Variants in ADAMTS16 observed in about 807,000 individuals in gnomAD.
ADAMTS16 encodes ADAM metallopeptidase with thrombospondin type 1 motif 16, also known as A disintegrin and metalloproteinase with thrombospondin motifs 16.
A neutral mutation model predicts 145.8 loss-of-function variants in ADAMTS16; 94 were observed. That is an observed-to-expected ratio of 0.64 (90% CI 0.55 to 0.77). The LOEUF is 0.77. Ranked by LOEUF, ADAMTS16 falls within the 30% of genes least tolerant of loss-of-function variation. The pLI is 0.00. For missense variants in ADAMTS16, 1,585 were observed against 1,591.5 expected, an observed-to-expected ratio of 1.00 and a Z score of 0.07; for synonymous variants, 659 against 604.3, an observed-to-expected ratio of 1.09 and a Z score of -1.33.
At chr5:5,268,721 T>C (rs569175312) in intron 18 of ADAMTS16, among the ~76,000 whole-genome samples, 10 of 152,266 alleles carry the variant, frequency 6.6e-5, no homozygotes, top group African/African-American at 2.4e-4. Flanking sequence ...GTCTGGCCCA[T>C]GGGATGTGAG....
At chr5:5,266,435 A>G (rs1242283985) in intron 18 of ADAMTS16, among the ~76,000 whole-genome samples, 1 of 152,262 alleles carries the variant, frequency 6.6e-6, no homozygotes, top group Admixed American at 6.5e-5. Flanking sequence ...GCAACGGCAG[A>G]GTGGAGCAAC....
At chr5:5,208,733 G>C (rs533768945) in intron 9 of ADAMTS16, among the ~76,000 whole-genome samples, 1 of 152,244 alleles carries the variant, frequency 6.6e-6, no homozygotes, top group South Asian at 2.1e-4. Flanking sequence ...CCCATCTTTT[G>C]GTTGATTCTG....
chr5:5,236,860 G>T, intron 13 of ADAMTS16, 109 bp from the exon 14 acceptor site: 1 of 1,354,272 alleles, frequency 7.4e-7, no homozygotes, highest in Non-Finnish European at 9.9e-7. Context: ...TTATTGTGTG[G>T]GAGTTATTTT....
intron 3 of ADAMTS16, among the ~76,000 whole-genome samples, chr5:5,178,589 T>A (rs1332629569): frequency 6.6e-6 from 1 of 152,256 alleles, no homozygotes; most frequent in African/African-American, 2.4e-5. Context: ...CTATGTTCTA[T>A]GTATTTAATG....
intron 8 of ADAMTS16, 116 bp from the exon 9 acceptor site, chr5:5,200,016 T>C: frequency 8.0e-7 from 1 of 1,251,098 alleles, no homozygotes; most frequent in Non-Finnish European, 1.1e-6. Context: ...TTTGCCTGCC[T>C]AGCATATAGG....
At chr5:5,275,668 C>G (rs1308977073) in intron 18 of ADAMTS16, among the ~76,000 whole-genome samples, 1 of 152,094 alleles carries the variant, frequency 6.6e-6, no homozygotes, top group Non-Finnish European at 1.5e-5. Context: ...ATCCTTATTT[C>G]TGATCTTGCT....
intron 9 of ADAMTS16, among the ~76,000 whole-genome samples, chr5:5,204,112 G>A (rs777365277): frequency 4.5e-4 from 69 of 152,262 alleles, no homozygotes; most frequent in Middle Eastern, 3.4e-3. Flanking sequence ...ATCAGTTCAT[G>A]TCTTGTTCAC....
chr5:5,182,631 AT>A (rs1735372771), intron 4 of ADAMTS16, among the ~76,000 whole-genome samples: 1 of 152,150 alleles, frequency 6.6e-6, no homozygotes, highest in Admixed American at 6.5e-5. Flanking sequence ...CAGTCATTCT[AT>A]ATTTTTGAGG....
chr5:5,280,086 G>A (rs1391589131), intron 18 of ADAMTS16, among the ~76,000 whole-genome samples: 2 of 151,812 alleles, frequency 1.3e-5, no homozygotes, highest in Non-Finnish European at 2.9e-5. Flanking sequence ...GTGTCTGAGT[G>A]GTAGATTTTG....
chr5:5,188,374 G>A (rs1422620634), intron 6 of ADAMTS16, among the ~76,000 whole-genome samples: 1 of 152,194 alleles, frequency 6.6e-6, no homozygotes, highest in East Asian at 1.9e-4. Flanking sequence ...GGTCTTGGTA[G>A]CAGTGGGTTA....
intron 21 of ADAMTS16, among the ~76,000 whole-genome samples, chr5:5,307,002 G>T (rs954640468): frequency 1.3e-5 from 2 of 152,142 alleles, no homozygotes; most frequent in Non-Finnish European, 2.9e-5. Context: ...GCAATGCCTT[G>T]GGTAAAATCT....
intron 17 of ADAMTS16, among the ~76,000 whole-genome samples, chr5:5,259,885 G>A (rs749675199): frequency 8.6e-5 from 13 of 151,424 alleles, no homozygotes; most frequent in Non-Finnish European, 1.5e-4. Context: ...CTCTCACCCC[G>A]CTGTGTCATC....
chr5:5,191,399 C>T (rs946761186), intron 7 of ADAMTS16, among the ~76,000 whole-genome samples: 2 of 152,038 alleles, frequency 1.3e-5, no homozygotes, highest in African/African-American at 2.4e-5. Context: ...TTAGAGCCTG[C>T]CCCAGGCTCT....
intron 17 of ADAMTS16, among the ~76,000 whole-genome samples, chr5:5,255,980 AT>A (rs1184344063): frequency 2.6e-5 from 4 of 152,118 alleles, no homozygotes; most frequent in Non-Finnish European, 4.4e-5. Context: ...TCCACAGTTT[AT>A]CTTTTGTAGC....
chr5:5,215,926 T>C (rs1236363847), intron 10 of ADAMTS16, among the ~76,000 whole-genome samples: 4 of 134,832 alleles, frequency 3.0e-5, no homozygotes, highest in Non-Finnish European at 4.7e-5. Flanking sequence ...CACAGTTTCT[T>C]TGTCCACTTG....
chr5:5,269,458 A>G lies in ADAMTS16; in HGVS notation c.2789+6675A>G, dbSNP rs2126448036. Among the ~76,000 whole-genome samples the G allele has an allele frequency of 6.6e-6, 1 of 152,208 alleles. No individual in the cohort carries two copies. The highest frequency in any genetic ancestry group is 2.1e-4 in the South Asian group (1 of 4,824). ...GGTCATTTGCTCCCCACCTCCCAGG[A>G]CATTGAGTTCACATCACCTGCAATC... On this transcript the variant is annotated intron_variant, in intron 18 of 22. Coordinates refer to ENST00000274181, the MANE Select transcript of ADAMTS16 (RefSeq NM_139056.4). This position sits in a 1 kb window ranked among gnomAD's most constrained non-coding sequence, Gnocchi z 4.3.
chr5:5,142,766 A>G (rs768854270), intron 2 of ADAMTS16, among the ~76,000 whole-genome samples: 3 of 152,204 alleles, frequency 2.0e-5, no homozygotes, highest in Non-Finnish European at 4.4e-5. Context: ...AAGAGAACAA[A>G]GCTGGAGGTG....
intron 10 of ADAMTS16, among the ~76,000 whole-genome samples, chr5:5,219,431 C>G (rs1736530739): frequency 6.6e-6 from 1 of 152,162 alleles, no homozygotes; most frequent in Non-Finnish European, 1.5e-5. Context: ...TATCATTCCA[C>G]CACTACAAAA....
intron 17 of ADAMTS16, among the ~76,000 whole-genome samples, chr5:5,258,349 A>G (rs1737868765): frequency 6.6e-6 from 1 of 152,222 alleles, no homozygotes; most frequent in African/African-American, 2.4e-5. Context: ...GACTGCCCAG[A>G]GCAGACTTAC....
Sources: allele counts gnomAD v4.1 joint callset (sites outside exome capture counted in the v4.1 genomes callset), GRCh38; gene constraint gnomAD v4.1.1; non-coding constraint Gnocchi (gnomAD v3.1); transcripts MANE v1.5; gene names NCBI Gene and HGNC (gene_info 2026-07-23, HGNC 2026-07-21).